MBD5: variants seen among roughly 807,000 people sequenced by gnomAD.
The protein encoded by MBD5 is methyl-CpG-binding domain protein 5.
MBD5 carries 13 observed loss-of-function variants against 117.3 expected under a neutral mutation model. The ratio of observed to expected loss-of-function variants is 0.11; its 90% CI spans 0.07 to 0.18. The LOEUF (loss-of-function observed/expected upper bound fraction) is 0.18. Among genes scored for constraint, MBD5 ranks in the 10% least tolerant of loss-of-function variants. The pLI is 1.00. For missense variants in MBD5, 1,879 were observed against 2,093.8 expected (o/e 0.90, Z 2.00); for synonymous variants, 727 against 766.4 (o/e 0.95, Z 0.85).
intron 3 of MBD5, among the ~76,000 whole-genome samples, chr2:148,294,509 T>TTTTTTGTTTTTTTTTTTTTTTTTTTTTG (rs750245317): frequency 7.7e-6 from 1 of 129,984 alleles, no homozygotes; most frequent in Non-Finnish European, 1.6e-5. Flanking sequence ...CAGTTTTTTT[T>TTTTTTGTTTTTTTTTTTTTTTTTTTTTG]TTTTTTTTTT....
intron 3 of MBD5, among the ~76,000 whole-genome samples, chr2:148,301,616 G>A (rs1701776686): frequency 6.6e-6 from 1 of 152,114 alleles, no homozygotes; most frequent in African/African-American, 2.4e-5. Flanking sequence ...TTTATATCTT[G>A]GCATGTTTCT....
intron 3 of MBD5, among the ~76,000 whole-genome samples, chr2:148,298,024 T>C (rs2106465151): frequency 6.6e-6 from 1 of 152,356 alleles, no homozygotes; most frequent in East Asian, 1.9e-4. Flanking sequence ...ACCTGTTTTA[T>C]GAGCAGAGCA....
intron 4 of MBD5, among the ~76,000 whole-genome samples, chr2:148,387,161 A>G (rs1245356819): frequency 6.6e-6 from 1 of 152,214 alleles, no homozygotes; most frequent in Non-Finnish European, 1.5e-5. Flanking sequence ...AATCCTAAAC[A>G]TAACATTAGC....
chr2:148,295,212 T>G (rs150830299), intron 3 of MBD5, among the ~76,000 whole-genome samples: 163 of 152,354 alleles, frequency 1.1e-3, no homozygotes, highest in African/African-American at 3.8e-3. Flanking sequence ...CACATTTCTC[T>G]GAGGCTCTGT....
intron 2 of MBD5, among the ~76,000 whole-genome samples, chr2:148,227,680 AT>A (rs1699868290): frequency 6.6e-6 from 1 of 152,194 alleles, no homozygotes; most frequent in African/African-American, 2.4e-5. Flanking sequence ...TGGGGATGGC[AT>A]TGAATCTATA....
At chr2:148,097,200 T>C (rs1042613995) in intron 1 of MBD5, among the ~76,000 whole-genome samples, 3 of 152,200 alleles carry the variant, frequency 2.0e-5, no homozygotes, top group Non-Finnish European at 4.4e-5. Flanking sequence ...AGATGAAAAG[T>C]TATAGAAAAA....
intron 4 of MBD5, among the ~76,000 whole-genome samples, chr2:148,431,223 A>G (rs1419025263): frequency 1.3e-5 from 2 of 152,044 alleles, no homozygotes; most frequent in Admixed American, 6.6e-5. Flanking sequence ...CTTATTTTTC[A>G]TAGAAACATT....
At chr2:148,474,794 C>A (rs1362799483) in intron 8 of MBD5, among the ~76,000 whole-genome samples, 4 of 151,996 alleles carry the variant, frequency 2.6e-5, no homozygotes, top group Non-Finnish European at 4.4e-5. Context: ...TCAGGACAGC[C>A]ATTAATATGG....
intron 1 of MBD5, among the ~76,000 whole-genome samples, chr2:148,128,212 G>C (rs1288263381): frequency 6.6e-6 from 1 of 152,082 alleles, no homozygotes; most frequent in African/African-American, 2.4e-5. Context: ...TTCTTTTGCT[G>C]TGCAGAAGCT....
chr2:148,357,211 T>A (rs980576649), intron 4 of MBD5, among the ~76,000 whole-genome samples: 3 of 152,226 alleles, frequency 2.0e-5, no homozygotes, highest in Non-Finnish European at 4.4e-5. Flanking sequence ...CTTTCCTAAC[T>A]GTTTTTTATA....
intron 3 of MBD5, among the ~76,000 whole-genome samples, chr2:148,278,266 G>C (rs1374675840): frequency 6.6e-6 from 1 of 152,038 alleles, no homozygotes; most frequent in East Asian, 1.9e-4. Flanking sequence ...GCACTTATTT[G>C]GGCTTATTTT....
chr2:148,249,131 A>G (rs1282564813), intron 3 of MBD5, among the ~76,000 whole-genome samples: 1 of 152,210 alleles, frequency 6.6e-6, no homozygotes, highest in African/African-American at 2.4e-5. Context: ...TTGAATTACA[A>G]TTGTGATATT....
intron 8 of MBD5, among the ~76,000 whole-genome samples, chr2:148,473,969 T>G (rs1680877589): frequency 6.6e-6 from 1 of 152,186 alleles, no homozygotes; most frequent in African/African-American, 2.4e-5. Context: ...GTAGGATACT[T>G]GGTGACATTC....
intron 1 of MBD5, among the ~76,000 whole-genome samples, chr2:148,154,792 G>A (rs571565294): frequency 3.8e-4 from 58 of 152,218 alleles, no homozygotes; most frequent in Admixed American, 1.8e-3. Context: ...GCTTCGGCTC[G>A]CGCACGGTGC....
intron 3 of MBD5, among the ~76,000 whole-genome samples, chr2:148,333,993 T>C (rs1702725175): frequency 1.3e-5 from 2 of 152,222 alleles, no homozygotes; most frequent in African/African-American, 4.8e-5. Flanking sequence ...TTAGAAAGTA[T>C]ATAATTCTTT....
At chr2:148,368,287 G>A (rs1703760413) in intron 4 of MBD5, among the ~76,000 whole-genome samples, 1 of 152,028 alleles carries the variant, frequency 6.6e-6, no homozygotes, top group African/African-American at 2.4e-5. Flanking sequence ...GAGAACATAT[G>A]GGCACAGGGA....
At chr2:148,085,505 A>G (rs1482381371) in intron 1 of MBD5, among the ~76,000 whole-genome samples, 1 of 151,906 alleles carries the variant, frequency 6.6e-6, no homozygotes, top group Non-Finnish European at 1.5e-5. Flanking sequence ...CGGGCGGATC[A>G]CGAGGTCAGG....
intron 1 of MBD5, among the ~76,000 whole-genome samples, chr2:148,138,392 G>A (rs1399918310): frequency 6.6e-6 from 1 of 152,168 alleles, no homozygotes; most frequent in Non-Finnish European, 1.5e-5. Flanking sequence ...ATTTCAATTA[G>A]AATATGGAGA....
intron 4 of MBD5, among the ~76,000 whole-genome samples, chr2:148,424,850 C>T (rs2105293857): frequency 6.6e-6 from 1 of 152,192 alleles, no homozygotes; most frequent in South Asian, 2.1e-4. Context: ...AACAAAGACA[C>T]AATGTAACAG....
Sources: allele counts gnomAD v4.1 joint callset (sites outside exome capture counted in the v4.1 genomes callset), GRCh38; gene constraint gnomAD v4.1.1; transcripts MANE v1.5; gene names NCBI Gene and HGNC (gene_info 2026-07-23, HGNC 2026-07-21).